FAAH2: variants seen among roughly 807,000 people sequenced by gnomAD.
The protein encoded by FAAH2 is fatty-acid amide hydrolase 2.
In FAAH2, 60 loss-of-function variants were observed where a neutral mutation model predicts 36.9. The ratio of observed to expected loss-of-function variants is 1.63; its 90% CI spans 1.32 to 2.02. The LOEUF is 2.02. Ranked by LOEUF, FAAH2 falls within the 30% of genes most tolerant of loss-of-function variation. FAAH2 has a pLI of 0.00. For missense variants in FAAH2, 689 were observed against 397.5 expected (o/e 1.73, Z -6.23); for synonymous variants, 214 against 143.8 (o/e 1.49, Z -3.49).
chrX:57,314,362 C>T (rs1425070507), intron 3 of FAAH2, among the ~76,000 whole-genome samples: 1 of 110,848 alleles, frequency 9.0e-6, no homozygotes, highest in Non-Finnish European at 1.9e-5. Context: ...AAACTCAGGG[C>T]TTCACCTCAA....
chrX:57,246,007 G>A, the FAAH2 span, among the ~76,000 whole-genome samples: 4 of 109,943 alleles, frequency 3.6e-5, no homozygotes, highest in Non-Finnish European at 7.6e-5. Flanking sequence ...AGAGAAAGAA[G>A]AATCAAATAG....
the FAAH2 span, among the ~76,000 whole-genome samples, chrX:57,160,415 G>A: frequency 8.9e-6 from 1 of 111,920 alleles, no homozygotes; most frequent in African/African-American, 3.3e-5. Flanking sequence ...AAAAGGAATG[G>A]TATCAGCTCC....
the FAAH2 span, among the ~76,000 whole-genome samples, chrX:57,219,530 C>T: frequency 2.2e-4 from 25 of 112,414 alleles, no homozygotes; most frequent in South Asian, 9.0e-3. Flanking sequence ...TGCACAGCCT[C>T]TCTTGGTTTC....
At chrX:57,320,628 A>T (rs1185307804) in intron 3 of FAAH2, among the ~76,000 whole-genome samples, 1 of 112,670 alleles carries the variant, frequency 8.9e-6, no homozygotes, top group Non-Finnish European at 1.9e-5. Flanking sequence ...TCAAGGATCT[A>T]GAACTAGAAA....
At chrX:57,406,840 G>C (rs1040105437) in intron 7 of FAAH2, among the ~76,000 whole-genome samples, 2 of 112,468 alleles carry the variant, frequency 1.8e-5, no homozygotes, top group Non-Finnish European at 3.8e-5. Flanking sequence ...ATTCAGTGTG[G>C]ATGGAGCCAC....
At chrX:57,373,585 G>T (rs750681734) in intron 5 of FAAH2, among the ~76,000 whole-genome samples, 1 of 110,170 alleles carries the variant, frequency 9.1e-6, no homozygotes, top group Non-Finnish European at 1.9e-5. Flanking sequence ...TTTTCTTCTC[G>T]CTAATTTGTT....
chrX:57,196,416 C>T, the FAAH2 span, among the ~76,000 whole-genome samples: 3 of 111,665 alleles, frequency 2.7e-5, no homozygotes, highest in Non-Finnish European at 5.6e-5. Context: ...AATTTTGTAT[C>T]CTGAAACTTC....
At chrX:57,307,796 C>T (rs150857601) in intron 2 of FAAH2, among the ~76,000 whole-genome samples, 119 of 110,674 alleles carry the variant, frequency 1.1e-3, no homozygotes, top group African/African-American at 3.6e-3. Flanking sequence ...CACACACTTC[C>T]GCATCTGTTA....
chrX:57,162,861 T>C, the FAAH2 span, among the ~76,000 whole-genome samples: 1 of 113,020 alleles, frequency 8.8e-6, no homozygotes, highest in African/African-American at 3.2e-5. Context: ...TCTCTCAGCT[T>C]GTCAAAGTCA....
the FAAH2 span, among the ~76,000 whole-genome samples, chrX:57,223,445 G>C: frequency 9.0e-6 from 1 of 111,443 alleles, no homozygotes; most frequent in Non-Finnish European, 1.9e-5. Context: ...CACCTCCAAA[G>C]CCTCCACAAC....
At chrX:57,389,131 T>G (rs1486881246) in intron 7 of FAAH2, among the ~76,000 whole-genome samples, 3 of 105,634 alleles carry the variant, frequency 2.8e-5, no homozygotes, top group African/African-American at 1.0e-4. Context: ...ACAATATACT[T>G]TGCTTTGTTA....
Position 57,462,204 on chromosome X carries a change from T to C in FAAH2, c.1423+13486T>C, listed in dbSNP as rs921213131. On this transcript the variant is annotated intron_variant, in intron 10 of 10. Transcript: ENST00000374900. ...AAAAAAAAACCCAGGACCAGACGCA[T>C]TCACATGAGGATTCTACCAGAGGTA... Among the ~76,000 whole-genome samples, 38 of 103,163 alleles carry C rather than the reference T, an allele frequency of 3.7e-4. 1 individual carries two copies. Among genetic ancestry groups the C allele is most frequent in the Admixed American group, 1.0e-4 (1 of 9,542 alleles). The allele number at this position is 103,163 out of a possible 115,157, so 89.6% of individuals were successfully genotyped here.
intron 8 of FAAH2, among the ~76,000 whole-genome samples, chrX:57,445,095 C>T (rs931406499): frequency 9.0e-6 from 1 of 111,625 alleles, no homozygotes; most frequent in African/African-American, 3.3e-5. Flanking sequence ...TTTCAATATT[C>T]ACCGTCTGTG....
chrX:57,258,749 C>A, the FAAH2 span, among the ~76,000 whole-genome samples: 3 of 103,425 alleles, frequency 2.9e-5, no homozygotes, highest in Admixed American at 3.1e-4. Context: ...TGCTCTGTCA[C>A]CCAGGCTGGA....
chrX:57,451,522 C>A (rs1335260922), intron 10 of FAAH2, among the ~76,000 whole-genome samples: 3 of 111,494 alleles, frequency 2.7e-5, no homozygotes, highest in Non-Finnish European at 5.7e-5. Flanking sequence ...CAAAGGAAGG[C>A]TTTCTGGAAT....
At position 57,321,553 on chromosome X, in the gene FAAH2, G is replaced by A. The variant is rs758188709; in HGVS notation, c.413-10045G>A. The stretch of plus-strand genomic sequence containing the variant: ...CAATTATTTTTTAATTAAAAAAATA[G>A]GTTTCCAATTGAAACCTCTGCTTTT... On this transcript the variant is annotated intron_variant, in intron 3 of 10. Coordinates refer to ENST00000374900, the MANE Select transcript of FAAH2 (RefSeq NM_174912.4). Among the ~76,000 whole-genome samples the A allele has an allele frequency of 3.7e-4, 40 of 109,060 alleles. 1 individual carries two copies. Among genetic ancestry groups the A allele is most frequent in the Middle Eastern group, 4.3e-3 (1 of 233 alleles). 94.7% of individuals were successfully genotyped at this position (109,060 alleles called of 115,157 possible).
At chrX:57,142,137 C>T in the FAAH2 span, among the ~76,000 whole-genome samples, 1 of 111,797 alleles carries the variant, frequency 8.9e-6, no homozygotes, top group East Asian at 2.8e-4. Flanking sequence ...TTCTTTCCTT[C>T]TACTAACTCA....
chrX:57,366,393 T>A (rs886553087), intron 5 of FAAH2, among the ~76,000 whole-genome samples: 1 of 112,123 alleles, frequency 8.9e-6, no homozygotes, highest in Non-Finnish European at 1.9e-5. Context: ...CTTTTGCCCC[T>A]TGGGGGTTAA....
chrX:57,435,364 T>C (rs1383269157), intron 8 of FAAH2, among the ~76,000 whole-genome samples: 1 of 111,033 alleles, frequency 9.0e-6, no homozygotes, highest in East Asian at 2.8e-4. Flanking sequence ...AACCTTGAAC[T>C]CAAATGGATT....
Sources: allele counts gnomAD v4.1 joint callset (sites outside exome capture counted in the v4.1 genomes callset), GRCh38; gene constraint gnomAD v4.1.1; transcripts MANE v1.5; gene names NCBI Gene and HGNC (gene_info 2026-07-23, HGNC 2026-07-21).